The following HDAC3 variants were observed in gnomAD, a reference collection of about 807,000 sequenced individuals.
HDAC3 encodes the protein SMAP45.
A neutral mutation model predicts 62.3 loss-of-function variants in HDAC3; 21 were observed. The ratio of observed to expected loss-of-function variants is 0.34; its 90% confidence interval spans 0.24 to 0.49. The LOEUF (loss-of-function observed/expected upper bound fraction) is 0.49, where lower values mean the gene tolerates loss of function less well. Ranked by LOEUF, HDAC3 falls within the 20% of genes least tolerant of loss-of-function variation. The pLI is 0.99. For missense variants in HDAC3, 270 were observed against 556.9 expected (o/e 0.48, Z 5.19); for synonymous variants, 198 against 206.5 (o/e 0.96, Z 0.35).
Position 141,633,686 on chromosome 5 carries a change from C to T in HDAC3, c.281+1125G>A, listed in dbSNP as rs375024280. 1.3e-4 allele frequency among the ~76,000 whole-genome samples: 19 copies of T among 151,896 alleles called. No individual in the cohort carries two copies. The East Asian group carries it at 2.7e-3, about 22-fold the overall frequency. Reference sequence around the variant, plus strand: ...ACTAAACATACAAAAATTAGCCAGGCATGGTGGCAGGCGCCTGTAATCCCA... The same window carrying T: ...ACTAAACATACAAAAATTAGCCAGGTATGGTGGCAGGCGCCTGTAATCCCA... On this transcript the variant is annotated intron_variant, in intron 3 of 14. Transcript: ENST00000305264.
Position 141,625,919 on chromosome 5 carries a change from G to A in HDAC3, c.979+94C>T, listed in dbSNP as rs2099904376. 5 of 1,331,046 alleles carry A rather than the reference G, an allele frequency of 3.8e-6. No homozygotes were observed. The East Asian group carries it at 1.1e-4, about 31-fold the overall frequency. 82.5% of individuals were successfully genotyped at this position (1,331,046 alleles called of 1,614,324 possible). On this transcript the variant is annotated intron_variant, in intron 12 of 14. Transcript: ENST00000305264. The surrounding 1 kb of genome is among the most constrained non-coding windows in gnomAD (Gnocchi z 4.0). ...GGGTTTAGTCTGCAGAGCTCTGAGA[G>A]TGTAAAATTTCCCATGTGCCTTCAA...
At chr5:141,631,842 C>T (rs1489373148) in intron 3 of HDAC3, among the ~76,000 whole-genome samples, 6 of 152,036 alleles carry the variant, frequency 3.9e-5, no homozygotes, top group Admixed American at 3.9e-4. Context: ...CTGTAAAGCA[C>T]TTAGAACAGT....
At position 141,629,579 on chromosome 5, in the gene HDAC3, G is replaced by A; in HGVS notation, c.476+105C>T. On this transcript the variant is annotated intron_variant, in intron 6 of 14. Coordinates refer to ENST00000305264, the MANE Select transcript of HDAC3 (RefSeq NM_003883.4). This position sits in a 1 kb window ranked among gnomAD's most constrained non-coding sequence, Gnocchi z 5.3. ...CCTGAATAAAGCATCAAGAACTTGG[G>A]AGAAGCTAATCAGGGAGGAGGGAGG... 8.6e-7 allele frequency: 1 copy of A among 1,167,890 alleles called. No homozygotes were observed. Among genetic ancestry groups the A allele is most frequent in the African/African-American group, 1.5e-5 (1 of 66,024 alleles). The allele number at this position is 1,167,890 out of a possible 1,614,324, so 72.3% of individuals were successfully genotyped here. A position where few individuals can be genotyped will look rare whatever the true frequency, so the allele number is the denominator to read the frequency against.
chr5:141,628,155 G>C lies in HDAC3; in HGVS notation c.724C>G (p.Gln242Glu), dbSNP rs2099904711. 1 of 1,614,040 alleles carries C rather than the reference G, an allele frequency of 6.2e-7. No individual in the cohort carries two copies. Among genetic ancestry groups the C allele is most frequent in the South Asian group, 1.1e-5 (1 of 91,078 alleles). Reference protein sequence around the residue: ...YKHLFQPVINQVVDFYQPTCI... With the variant: ...YKHLFQPVINEVVDFYQPTCI... ...GTGGGTTGGTAGAAGTCCACTACCT[G>C]GTTGATAACCGGCTGGAAAAGGTGC... is the stretch of plus-strand genomic sequence containing the variant. Residue 242 changes from glutamine (Q) to glutamate (E), a missense_variant, in exon 9 of 15, where the codon CAG becomes GAG. Around this residue, in one of 5 missense-constraint regions of HDAC3, gnomAD observed 156 missense variants for 383.9 expected, o/e 0.41. Transcript: ENST00000305264. The surrounding 1 kb of genome is among the most constrained non-coding windows in gnomAD (Gnocchi z 4.7).
At position 141,626,083 on chromosome 5, in the gene HDAC3, C is replaced by G; in HGVS notation, c.921-12G>C. The G allele has an allele frequency of 1.2e-6, 2 of 1,613,872 alleles. No homozygotes were observed. Among genetic ancestry groups the G allele is most frequent in the Non-Finnish European group, 1.7e-6 (2 of 1,179,766 alleles). On this transcript the variant is annotated splice_polypyrimidine_tract_variant and intron_variant, in intron 11 of 14. Coordinates refer to ENST00000305264, the MANE Select transcript of HDAC3 (RefSeq NM_003883.4). This position sits in a 1 kb window ranked among gnomAD's most constrained non-coding sequence, Gnocchi z 4.6. ...ATGTCTCATATGTCCTGAAACCAACCAGCAGAGGGGAGCAGGCTGACCAAG... is the reference window on the plus strand; with the variant it reads ...ATGTCTCATATGTCCTGAAACCAACGAGCAGAGGGGAGCAGGCTGACCAAG...
chr5:141,623,647 T>C (rs939276749), intron 14 of HDAC3, among the ~76,000 whole-genome samples: 9 of 152,134 alleles, frequency 5.9e-5, no homozygotes, highest in African/African-American at 2.2e-4. Flanking sequence ...GGGGATATCC[T>C]TGGAGGAAGA....
intron 3 of HDAC3, among the ~76,000 whole-genome samples, chr5:141,630,822 T>C (rs565354689): frequency 1.3e-5 from 2 of 151,590 alleles, no homozygotes; most frequent in South Asian, 2.1e-4. Flanking sequence ...CTTTGTTGGG[T>C]AGTGGAAATT....
chr5:141,626,447 T>C lies in HDAC3; in HGVS notation c.831-164A>G, dbSNP rs550934097. On this transcript the variant is annotated intron_variant, in intron 10 of 14. Coordinates refer to ENST00000305264, the MANE Select transcript of HDAC3 (RefSeq NM_003883.4). The surrounding 1 kb of genome is among the most constrained non-coding windows in gnomAD (Gnocchi z 4.6). ...ATACCCTTAAGATTTGGGTATACTT[T>C]ATATGCTGTGTCTCAATAAAAATTT... 233 of 633,136 alleles carry C rather than the reference T, an allele frequency of 3.7e-4. No homozygotes were observed. Among genetic ancestry groups the C allele is most frequent in the Non-Finnish European group, 5.9e-4 (212 of 357,736 alleles). 39.2% of individuals were successfully genotyped at this position (633,136 alleles called of 1,614,324 possible). A position where few individuals can be genotyped will look rare whatever the true frequency, so the allele number is the denominator to read the frequency against.
intron 3 of HDAC3, among the ~76,000 whole-genome samples, chr5:141,634,546 ATC>A (rs139361005): frequency 6.6e-6 from 1 of 152,280 alleles, no homozygotes; most frequent in East Asian, 1.9e-4. Context: ...CACTCTCATA[ATC>A]TGTCATACAC....
rs1304048885 is a variant in HDAC3 at position 141,629,643 on chromosome 5, A to G, written c.476+41T>C. 1.2e-6 allele frequency: 2 copies of G among 1,602,500 alleles called. No homozygotes were observed. Among genetic ancestry groups the G allele is most frequent in the Non-Finnish European group, 1.7e-6 (2 of 1,171,630 alleles). ...TGAGACTGAGAGACCTCCTCAGCCAAGAATCCCGTAACTGCCCCCATCTCC... is the reference window on the plus strand; with the variant it reads ...TGAGACTGAGAGACCTCCTCAGCCAGGAATCCCGTAACTGCCCCCATCTCC... On this transcript the variant is annotated intron_variant, in intron 6 of 14. Transcript: ENST00000305264. This position sits in a 1 kb window ranked among gnomAD's most constrained non-coding sequence, Gnocchi z 5.3.
intron 2 of HDAC3, among the ~76,000 whole-genome samples, chr5:141,635,366 T>C (rs751682441): frequency 1.3e-5 from 2 of 152,224 alleles, no homozygotes; most frequent in Admixed American, 6.5e-5. Flanking sequence ...AGATTTATTA[T>C]CTTTGGAAGG....
In HDAC3 at chr5:141,625,445, C is replaced by G; in HGVS notation, c.1060-80G>C. 6.6e-7 allele frequency: 1 copy of G among 1,505,758 alleles called. No homozygotes were observed. Among genetic ancestry groups the G allele is most frequent in the Non-Finnish European group, 9.2e-7 (1 of 1,086,886 alleles). The allele number at this position is 1,505,758 out of a possible 1,614,324, so 93.3% of individuals were successfully genotyped here. On this transcript the variant is annotated intron_variant, in intron 13 of 14. Transcript: ENST00000305264. This position sits in a 1 kb window ranked among gnomAD's most constrained non-coding sequence, Gnocchi z 4.0. Reference sequence around the variant, plus strand: ...GGAATCTCCTAGCTGCCTTTTACCCCTACCATACTGGTTTTCATCTCAGTG... The same window carrying G: ...GGAATCTCCTAGCTGCCTTTTACCCGTACCATACTGGTTTTCATCTCAGTG...
At chr5:141,622,691 G>C (rs533631481) in intron 14 of HDAC3, among the ~76,000 whole-genome samples, 22 of 152,312 alleles carry the variant, frequency 1.4e-4, no homozygotes, top group African/African-American at 5.3e-4. Context: ...ACTAAGCCAG[G>C]AAAGGCCTTA....
Position 141,626,784 on chromosome 5 carries a change from G to GTATATA in HDAC3, c.831-507_831-502dup, listed in dbSNP as rs368519118. 3.9e-5 allele frequency among the ~76,000 whole-genome samples: 5 copies of GTATATA among 129,824 alleles called. No individual in the cohort carries two copies. The highest frequency in any genetic ancestry group is 1.4e-4 in the African/African-American group (5 of 35,176). 85.2% of individuals were successfully genotyped at this position (129,824 alleles called of 152,430 possible). A position where few individuals can be genotyped will look rare whatever the true frequency, so the allele number is the denominator to read the frequency against. On this transcript the variant is annotated intron_variant, in intron 10 of 14. Coordinates refer to ENST00000305264, the MANE Select transcript of HDAC3 (RefSeq NM_003883.4). The surrounding 1 kb of genome is among the most constrained non-coding windows in gnomAD (Gnocchi z 4.6). The stretch of plus-strand genomic sequence containing the variant: ...AACATATATATGTGTGTGTGTGTGT[G>GTATATA]TATATATATATATATACACACACAC...
intron 10 of HDAC3, among the ~76,000 whole-genome samples, chr5:141,627,360 G>A (rs948394805): frequency 1.3e-5 from 2 of 152,188 alleles, no homozygotes; most frequent in Non-Finnish European, 2.9e-5. Context: ...TTATAGGTGT[G>A]TGCCACTGGG....
chr5:141,630,426 A>G (rs1033720511), intron 3 of HDAC3, among the ~76,000 whole-genome samples: 3 of 152,258 alleles, frequency 2.0e-5, no homozygotes, highest in African/African-American at 4.8e-5. Flanking sequence ...AAAGGAAATC[A>G]GTTGAAAGAA....
intron 3 of HDAC3, among the ~76,000 whole-genome samples, chr5:141,632,507 C>A (rs187192313): frequency 2.0e-5 from 3 of 152,112 alleles, no homozygotes; most frequent in African/African-American, 7.2e-5. Flanking sequence ...GCATAAATAG[C>A]CCAGAGATAG....
chr5:141,636,484 C>T, intron 2 of HDAC3, 64 bp downstream of exon 2: 2 of 1,463,552 alleles, frequency 1.4e-6, no homozygotes, highest in Non-Finnish European at 1.9e-6. Flanking sequence ...CAGTCCAGCC[C>T]ACCTATCCCT....
intron 14 of HDAC3, 97 bp from the exon 15 acceptor site, chr5:141,621,634 C>A: frequency 1.1e-6 from 1 of 900,464 alleles, no homozygotes; most frequent in South Asian, 1.4e-5. Flanking sequence ...CCGTTGAGAA[C>A]CACTCCTCCT....
Sources: gnomAD v4.1 joint callset for allele counts (sites outside exome capture counted in the v4.1 genomes callset) on GRCh38, gnomAD v4.1.1 for gene constraint, gnomAD v4.1.1 regional missense constraint, Gnocchi (gnomAD v3.1) non-coding constraint, MANE v1.5 for transcripts, NCBI Gene and HGNC (gene_info 2026-07-23, HGNC 2026-07-21) for gene names.